MAGI2: variants seen among roughly 807,000 people sequenced by gnomAD.
The protein encoded by MAGI2 is membrane-associated guanylate kinase, WW and PDZ domain-containing protein 2.
In MAGI2, 35 loss-of-function variants were observed where a neutral mutation model predicts 133.3. The ratio of observed to expected loss-of-function variants is 0.26; its 90% CI spans 0.20 to 0.35. The LOEUF is 0.35. Among genes scored for constraint, MAGI2 ranks in the 10% least tolerant of loss-of-function variants. The probability of loss-of-function intolerance (pLI) is 1.00; values close to 1 mark genes in which losing one functional copy is unlikely to be tolerated. For missense variants in MAGI2, 1,636 were observed against 1,863.4 expected (o/e 0.88, Z 2.25); for synonymous variants, 729 against 710.6 (o/e 1.03, Z -0.41).
chr7:78,344,572 T>C (rs891003855), intron 8 of MAGI2, among the ~76,000 whole-genome samples: 4 of 152,196 alleles, frequency 2.6e-5, no homozygotes. Flanking sequence ...TGGAACTGAC[T>C]TTTGTTTACA....
chr7:78,959,387 A>G (rs1043414821), intron 2 of MAGI2, among the ~76,000 whole-genome samples: 1 of 152,118 alleles, frequency 6.6e-6, no homozygotes, highest in Non-Finnish European at 1.5e-5. Context: ...GAAAGGTAAA[A>G]AGTATAATAA....
rs1166435943 is a variant in MAGI2 at position 78,160,178 on chromosome 7, G to A, written c.2692C>T (p.His898Tyr). Residue 898 changes from histidine (H) to tyrosine (Y), a missense_variant, in exon 16 of 22, where the codon CAC (histidine) becomes TAC (tyrosine). By Grantham distance (83) the His-to-Tyr change is moderately conservative. This residue lies in a region of MAGI2 where 920 missense variants were observed against 1,093.5 expected (regional missense o/e 0.84). Coordinates refer to ENST00000354212, the MANE Select transcript of MAGI2 (RefSeq NM_012301.4). ...GAGGCATTGCTACTGGGGGCAGCGT[G>A]GTTGCTGTTGGTGTAGGTTGCGTAG... ...SDYATYTNSN[H>Y]AAPSSNASPP... 6.2e-7 allele frequency: 1 copy of A among 1,612,738 alleles called. No homozygotes were observed. Among genetic ancestry groups the A allele is most frequent in the Admixed American group, 1.7e-5 (1 of 59,866 alleles).
intron 21 of MAGI2, among the ~76,000 whole-genome samples, chr7:78,049,473 G>A (rs982555114): frequency 3.3e-5 from 5 of 152,144 alleles, no homozygotes; most frequent in African/African-American, 9.7e-5. Flanking sequence ...CAGCCATTCC[G>A]CTTAATTCCT....
intron 1 of MAGI2, among the ~76,000 whole-genome samples, chr7:79,131,543 C>T (rs1585003515): frequency 1.3e-5 from 2 of 152,232 alleles, no homozygotes; most frequent in Admixed American, 1.3e-4. Context: ...AATGTTGTTA[C>T]CTGCATTTTA....
chr7:78,853,645 C>T (rs546958835), intron 2 of MAGI2, among the ~76,000 whole-genome samples: 55 of 152,124 alleles, frequency 3.6e-4, no homozygotes, highest in Non-Finnish European at 6.5e-4. Flanking sequence ...CGTAAGCCAC[C>T]ATGTCTGGCC....
At chr7:79,334,713 T>C (rs1840313792) in intron 1 of MAGI2, among the ~76,000 whole-genome samples, 1 of 152,170 alleles carries the variant, frequency 6.6e-6, no homozygotes, top group Non-Finnish European at 1.5e-5. Flanking sequence ...TAGTTGACAA[T>C]TTAAATACAG....
chr7:78,305,286 G>A (rs769807729), intron 9 of MAGI2, among the ~76,000 whole-genome samples: 5 of 152,026 alleles, frequency 3.3e-5, no homozygotes, highest in African/African-American at 1.2e-4. Flanking sequence ...ATGAAACCTC[G>A]CTTGGTTGGC....
chr7:79,292,236 AT>A (rs1255008614), intron 1 of MAGI2, among the ~76,000 whole-genome samples: 1 of 152,094 alleles, frequency 6.6e-6, no homozygotes, highest in African/African-American at 2.4e-5. Context: ...GACTCTTAAC[AT>A]TTCATTGGTC....
At chr7:78,216,161 A>G (rs1422015942) in intron 10 of MAGI2, among the ~76,000 whole-genome samples, 29 of 152,248 alleles carry the variant, frequency 1.9e-4, no homozygotes, top group Admixed American at 1.9e-3. Context: ...GGACATATTT[A>G]AACTGTTATC....
chr7:78,873,663 T>G (rs1795202973), intron 2 of MAGI2, among the ~76,000 whole-genome samples: 1 of 152,122 alleles, frequency 6.6e-6, no homozygotes, highest in Non-Finnish European at 1.5e-5. Context: ...GTACAATAAA[T>G]GTAATGCGCT....
chr7:78,384,747 C>T (rs1006980811), intron 6 of MAGI2, among the ~76,000 whole-genome samples: 1 of 152,012 alleles, frequency 6.6e-6, no homozygotes, highest in Admixed American at 6.6e-5. Flanking sequence ...TAAAATTTAC[C>T]TTTATTATAT....
chr7:78,453,368 C>G (rs1298871228), intron 6 of MAGI2, among the ~76,000 whole-genome samples: 2 of 152,216 alleles, frequency 1.3e-5, no homozygotes, highest in African/African-American at 4.8e-5. Context: ...GCAACTGGAA[C>G]AATTCTGTAT....
intron 6 of MAGI2, among the ~76,000 whole-genome samples, chr7:78,420,551 A>AT (rs11404417): frequency 0.82 from 122,293 of 148,656 alleles, 50,263 homozygotes; most frequent in East Asian, 0.92. Context: ...TTGAAATGAG[A>AT]TTTTTTTTTT....
chr7:78,200,140 G>A (rs1040658414), intron 11 of MAGI2, among the ~76,000 whole-genome samples: 1 of 152,156 alleles, frequency 6.6e-6, no homozygotes, highest in Non-Finnish European at 1.5e-5. Flanking sequence ...GTTCTTTGTG[G>A]ACCAGATGAG....
At chr7:79,163,724 T>C (rs1443536473) in intron 1 of MAGI2, among the ~76,000 whole-genome samples, 1 of 152,098 alleles carries the variant, frequency 6.6e-6, no homozygotes, top group African/African-American at 2.4e-5. Flanking sequence ...ATTTTTTGGC[T>C]GCTTGGGTTG....
chr7:78,918,191 A>G (rs1259316910), intron 2 of MAGI2, among the ~76,000 whole-genome samples: 1 of 152,150 alleles, frequency 6.6e-6, no homozygotes, highest in African/African-American at 2.4e-5. Context: ...AGAAATTCCA[A>G]GGGTTTTAGG....
intron 2 of MAGI2, among the ~76,000 whole-genome samples, chr7:78,745,345 T>C (rs1288995628): frequency 3.9e-5 from 6 of 152,154 alleles, no homozygotes; most frequent in African/African-American, 1.4e-4. Context: ...AGTGAAAAGA[T>C]TCAATGAGAG....
intron 1 of MAGI2, among the ~76,000 whole-genome samples, chr7:79,025,060 T>C (rs1452272432): frequency 6.6e-6 from 1 of 152,152 alleles, no homozygotes; most frequent in Non-Finnish European, 1.5e-5. Context: ...ATGCATATGT[T>C]TATCACAGCA....
chr7:78,511,307 A>G (rs888362690), intron 4 of MAGI2, among the ~76,000 whole-genome samples: 3 of 151,772 alleles, frequency 2.0e-5, no homozygotes, highest in African/African-American at 7.3e-5. Context: ...TATAGATTAT[A>G]CTCTGTAATG....
Sources: allele counts gnomAD v4.1 joint callset (sites outside exome capture counted in the v4.1 genomes callset), GRCh38; gene constraint gnomAD v4.1.1; regional missense constraint gnomAD v4.1.1; transcripts MANE v1.5; gene names NCBI Gene and HGNC (gene_info 2026-07-23, HGNC 2026-07-21).